The following NCAM1 variants were observed in gnomAD, a reference collection of about 807,000 sequenced individuals.
NCAM1 encodes neural cell adhesion molecule 1.
In NCAM1, 14 loss-of-function variants were observed where a neutral mutation model predicts 109.8. The ratio of observed to expected loss-of-function variants is 0.13; its 90% confidence interval spans 0.08 to 0.20. The LOEUF (loss-of-function observed/expected upper bound fraction) is 0.20, where lower values mean the gene tolerates loss of function less well. Among genes scored for constraint, NCAM1 ranks in the 10% least tolerant of loss-of-function variants. NCAM1 has a pLI of 1.00. For missense variants in NCAM1, 774 were observed against 1,109.9 expected (o/e 0.70, Z 4.30); for synonymous variants, 418 against 442.9 (o/e 0.94, Z 0.70).
intron 1 of NCAM1, among the ~76,000 whole-genome samples, chr11:113,099,037 T>G (rs1208390213): frequency 6.6e-6 from 1 of 152,222 alleles, no homozygotes; most frequent in Admixed American, 6.5e-5. Context: ...TGTAAACATA[T>G]TACAAATATT....
chr11:113,220,810 C>T (rs1441503300), intron 8 of NCAM1, among the ~76,000 whole-genome samples: 5 of 151,734 alleles, frequency 3.3e-5, no homozygotes, highest in Admixed American at 2.0e-4. Context: ...GGGGTTTCAC[C>T]GTGTTGGCCA....
intron 1 of NCAM1, among the ~76,000 whole-genome samples, chr11:113,191,704 T>C (rs184034103): frequency 2.0e-5 from 3 of 151,710 alleles, no homozygotes; most frequent in Admixed American, 2.0e-4. Context: ...TAGATAGAGA[T>C]AGATAGATAC....
intron 1 of NCAM1, among the ~76,000 whole-genome samples, chr11:113,109,440 G>C (rs1246019453): frequency 1.3e-5 from 2 of 152,018 alleles, no homozygotes; most frequent in Non-Finnish European, 2.9e-5. Flanking sequence ...ATGTATTCTG[G>C]CCTGTGCAGC....
chr11:113,136,679 T>C (rs1591358191), intron 1 of NCAM1, among the ~76,000 whole-genome samples: 1 of 152,042 alleles, frequency 6.6e-6, no homozygotes, highest in Non-Finnish European at 1.5e-5. Context: ...GAGGAATGGA[T>C]AGAGTGGATG....
chr11:113,019,459 C>A (rs1591253282), intron 1 of NCAM1, among the ~76,000 whole-genome samples: 1 of 152,284 alleles, frequency 6.6e-6, no homozygotes, highest in East Asian at 1.9e-4. Flanking sequence ...TGCCGATTTC[C>A]ACATTTATCT....
chr11:113,166,662 A>G (rs1388370088), intron 1 of NCAM1, among the ~76,000 whole-genome samples: 1 of 152,144 alleles, frequency 6.6e-6, no homozygotes, highest in Non-Finnish European at 1.5e-5. Flanking sequence ...ACTTTGTTAG[A>G]TCATGGGGAA....
chr11:113,249,354 G>T (rs1424489313), intron 15 of NCAM1, among the ~76,000 whole-genome samples: 11 of 152,186 alleles, frequency 7.2e-5, no homozygotes, highest in African/African-American at 2.7e-4. Flanking sequence ...TGCACTGGAG[G>T]TTCCTAGGGT....
chr11:113,135,991 C>G (rs1393048428), intron 1 of NCAM1, among the ~76,000 whole-genome samples: 4 of 152,056 alleles, frequency 2.6e-5, no homozygotes, highest in Non-Finnish European at 5.9e-5. Flanking sequence ...TTAACTTGCT[C>G]AGGATTTTTA....
intron 10 of NCAM1, 62 bp downstream of exon 10, chr11:113,231,857 A>G: frequency 1.3e-6 from 2 of 1,596,126 alleles, no homozygotes; most frequent in Non-Finnish European, 1.7e-6. Context: ...AGGATGAGAG[A>G]GGAAAACATC....
chr11:113,025,516 A>C (rs1952511119), intron 1 of NCAM1, among the ~76,000 whole-genome samples: 1 of 152,176 alleles, frequency 6.6e-6, no homozygotes, highest in South Asian at 2.1e-4. Flanking sequence ...TGAATGAATG[A>C]ATGAATGAAT....
intron 7 of NCAM1, among the ~76,000 whole-genome samples, chr11:113,208,597 G>A (rs115016574): frequency 8.1e-4 from 123 of 151,860 alleles, no homozygotes; most frequent in African/African-American, 2.8e-3. Flanking sequence ...CCTTCTCAGC[G>A]GCGCCTTCCT....
At chr11:113,169,634 T>TTG (rs1942926435) in intron 1 of NCAM1, among the ~76,000 whole-genome samples, 1 of 150,974 alleles carries the variant, frequency 6.6e-6, no homozygotes, top group Non-Finnish European at 1.5e-5. Context: ...TGGGAGTTTT[T>TTG]TTTTTTTTTT....
intron 10 of NCAM1, 38 bp from the exon 11 acceptor site, chr11:113,232,132 A>G (rs782488702): frequency 6.5e-7 from 1 of 1,533,638 alleles, no homozygotes; most frequent in African/African-American, 1.4e-5. Context: ...CTTCATAATC[A>G]TGGCAGTCAT....
At chr11:113,174,332 C>A (rs782688916) in intron 1 of NCAM1, among the ~76,000 whole-genome samples, 2 of 152,192 alleles carry the variant, frequency 1.3e-5, no homozygotes, top group Non-Finnish European at 2.9e-5. Context: ...ATTTCCCCGA[C>A]AAACACCAGG....
chr11:113,234,546 G>T (rs1471845040), intron 13 of NCAM1, among the ~76,000 whole-genome samples: 3 of 152,142 alleles, frequency 2.0e-5, no homozygotes, highest in Non-Finnish European at 2.9e-5. Flanking sequence ...TATGGCATTT[G>T]TCCTTTTGTG....
At chr11:113,063,164 G>A (rs1394565111) in intron 1 of NCAM1, among the ~76,000 whole-genome samples, 2 of 152,222 alleles carry the variant, frequency 1.3e-5, no homozygotes, top group East Asian at 3.9e-4. Context: ...AGGAATATCA[G>A]TGAAAGATTT....
chr11:113,225,489 C>T (rs1320750996), intron 9 of NCAM1, among the ~76,000 whole-genome samples: 5 of 152,166 alleles, frequency 3.3e-5, no homozygotes, highest in Non-Finnish European at 4.4e-5. Flanking sequence ...GAGAATGGAA[C>T]CAAGTTGGAA....
intron 15 of NCAM1, among the ~76,000 whole-genome samples, chr11:113,253,413 G>A (rs782341119): frequency 1.3e-5 from 2 of 152,164 alleles, no homozygotes; most frequent in African/African-American, 2.4e-5. Context: ...CAGCCCAGGT[G>A]TAGTTGGTAG....
At chr11:113,033,747 GT>G (rs1952785847) in intron 1 of NCAM1, among the ~76,000 whole-genome samples, 1 of 152,140 alleles carries the variant, frequency 6.6e-6, no homozygotes, top group Non-Finnish European at 1.5e-5. Flanking sequence ...ATATGCATTT[GT>G]TGAACTTCCG....
Sources: gnomAD v4.1 joint callset for allele counts (sites outside exome capture counted in the v4.1 genomes callset) on GRCh38, gnomAD v4.1.1 for gene constraint, MANE v1.5 for transcripts, NCBI Gene and HGNC (gene_info 2026-07-23, HGNC 2026-07-21) for gene names.